S1PR3: variants seen among roughly 807,000 people sequenced by gnomAD.
S1PR3 encodes sphingosine-1-phosphate receptor 3, also known as sphingosine 1-phosphate receptor 3.
A neutral mutation model predicts 13.3 loss-of-function variants in S1PR3; 12 were observed. The observed-to-expected ratio is 0.90, with a 90% CI of 0.58 to 1.46. The LOEUF (loss-of-function observed/expected upper bound fraction) is 1.46. S1PR3 is among the 40% of genes most tolerant of loss of function. The pLI, the probability that S1PR3 is intolerant of heterozygous loss-of-function variation, is 0.00. For synonymous variants in S1PR3, 232 were observed against 214.0 expected (o/e 1.08, Z -0.73); for missense variants, 450 against 501.9 (o/e 0.90, Z 0.99).
In S1PR3 at chr9:89,004,237, A is replaced by G. The variant is rs1825904834; in HGVS notation, c.*1900A>G. 6.6e-6 allele frequency: 1 copy of G among 152,150 alleles called. No individual in the cohort carries two copies. The highest frequency in any genetic ancestry group is 2.4e-5 in the African/African-American group (1 of 41,406). 9.4% of individuals were successfully genotyped at this position (152,150 alleles called of 1,614,324 possible). ...AACATAGTGAAATCCTGTTTCTACT[A>G]AAAATACAAAAATTAGCTGGATGCG... On this transcript the variant is annotated 3_prime_UTR_variant, in exon 2 of 2. Coordinates refer to ENST00000358157, the MANE Select transcript of S1PR3 (RefSeq NM_005226.4).
intron 1 of S1PR3, chr9:88,993,521 G>C (rs1288292936): frequency 6.6e-6 from 1 of 152,056 alleles, no homozygotes; most frequent in African/African-American, 2.4e-5. Context: ...GAAACTTTCT[G>C]TTTCTTCATA....
In S1PR3 at chr9:89,001,232, C is replaced by A; in HGVS notation, c.32C>A (p.Pro11Gln). 1.9e-6 allele frequency: 3 copies of A among 1,613,400 alleles called. No individual in the cohort carries two copies. The highest frequency in any genetic ancestry group is 1.1e-5 in the South Asian group (1 of 91,048). MATALPPRLQPVRGNETLREH... is the reference protein window; with the variant it reads MATALPPRLQQVRGNETLREH... ...ACTGCCCTCCCGCCGCGTCTCCAGCCGGTGCGGGGGAACGAGACCCTGCGG... is the reference window on the plus strand; with the variant it reads ...ACTGCCCTCCCGCCGCGTCTCCAGCAGGTGCGGGGGAACGAGACCCTGCGG... Residue 11 changes from proline (P) to glutamine (Q), a missense_variant, in exon 2 of 2, where the codon CCG (proline) becomes CAG (glutamine). Transcript: ENST00000358157.
At chr9:88,996,112 C>G (rs929691464) in intron 1 of S1PR3, 2 of 163,794 alleles carry the variant, frequency 1.2e-5, no homozygotes, top group Non-Finnish European at 2.9e-5. Context: ...TGGACACTTA[C>G]TTTTGGAATA....
At chr9:88,991,174 A>G (rs1406666758), upstream of S1PR3, 1 of 1,604,658 alleles carries the variant, frequency 6.2e-7, no homozygotes, top group South Asian at 1.1e-5. This position sits in a 1 kb window ranked among gnomAD's most constrained non-coding sequence, Gnocchi z 4.0. Context: ...AGCTCGCCCG[A>G]TGAGGACAAG....
At chr9:88,991,379 CG>C (rs1440636162), upstream of S1PR3, 4 of 153,406 alleles carry the variant, frequency 2.6e-5, no homozygotes, top group African/African-American at 7.1e-4. This position sits in a 1 kb window ranked among gnomAD's most constrained non-coding sequence, Gnocchi z 4.0. Context: ...GGGAGAGGGG[CG>C]GGAGTCGGGG....
Position 89,001,497 on chromosome 9 carries a change from T to C in S1PR3, c.297T>C (p.Ser99=), listed in dbSNP as rs758401590. The change falls in exon 2 of 2, where the codon TCT becomes TCC. Residue 99 remains serine, a synonymous_variant. Coordinates refer to ENST00000358157, the MANE Select transcript of S1PR3 (RefSeq NM_005226.4). ...GIAYKVNILM[S]GKKTFSLSPT... is the part of the protein sequence containing the mutation. The stretch of plus-strand genomic sequence containing the variant: ...CTTACAAGGTCAACATTCTGATGTC[T>C]GGCAAGAAGACGTTCAGCCTGTCTC... The C allele has an allele frequency of 8.1e-6, 13 of 1,614,132 alleles. No individual in the cohort carries two copies. The African/African-American group carries it at 1.6e-4, about 20-fold the overall frequency.
Position 88,991,588 on chromosome 9 carries a change from C to G in S1PR3, c.-255C>G, listed in dbSNP as rs1467011729. On this transcript the variant is annotated 5_prime_UTR_variant, in exon 1 of 2. Coordinates refer to ENST00000358157, the MANE Select transcript of S1PR3 (RefSeq NM_005226.4). This position sits in a 1 kb window ranked among gnomAD's most constrained non-coding sequence, Gnocchi z 4.0. ...AACGACGTCGCGAGCGCTGAGACTG[C>G]CGGGCCTCCCAGCCCATCTGGCATT... 9 of 1,544,122 alleles carry G rather than the reference C, an allele frequency of 5.8e-6. No individual in the cohort carries two copies. The highest frequency in any genetic ancestry group is 7.9e-6 in the Non-Finnish European group (9 of 1,145,076).
At chr9:88,995,916 C>G (rs1825798178) in intron 1 of S1PR3, 1 of 167,050 alleles carries the variant, frequency 6.0e-6, no homozygotes, top group Non-Finnish European at 1.5e-5. Context: ...AAGACCACCG[C>G]TAATGAGGAG....
chr9:88,992,300 T>C (rs1333365271), intron 1 of S1PR3: 3 of 395,828 alleles, frequency 7.6e-6, no homozygotes, highest in East Asian at 1.1e-4. Flanking sequence ...CTCTCTCTCT[T>C]CCTCTGACTT....
intron 1 of S1PR3, chr9:89,000,424 C>T (rs761553815): frequency 6.6e-6 from 1 of 152,380 alleles, no homozygotes; most frequent in Non-Finnish European, 1.5e-5. Flanking sequence ...TCACTGCTCA[C>T]GAGTGCGGTG....
At position 89,002,018 on chromosome 9, in the gene S1PR3, C is replaced by A. The variant is rs375650171; in HGVS notation, c.818C>A (p.Ala273Glu). The change falls in exon 2 of 2, where the codon GCG (alanine) becomes GAG (glutamate). Residue 273 changes from alanine (A) to glutamate (E), a missense_variant. By Grantham distance (107) the Ala-to-Glu change is moderately radical. Transcript: ENST00000358157. Reference protein sequence around the residue: ...FLIDVACRVQACPILFKAQWF... With the variant: ...FLIDVACRVQECPILFKAQWF... ...ATTGATGTGGCCTGCAGGGTGCAGG[C>A]GTGCCCCATCCTCTTCAAGGCTCAG... 1.2e-6 allele frequency: 2 copies of A among 1,613,982 alleles called. No individual in the cohort carries two copies. The highest frequency in any genetic ancestry group is 1.7e-6 in the Non-Finnish European group (2 of 1,180,028).
intron 1 of S1PR3, chr9:89,000,327 T>C (rs1250241426): frequency 1.3e-5 from 2 of 152,100 alleles, no homozygotes; most frequent in African/African-American, 4.8e-5. Context: ...AGTGTGATTG[T>C]CACTGCTTTC....
intron 1 of S1PR3, chr9:88,994,167 C>G (rs1398135023): frequency 3.0e-5 from 5 of 167,104 alleles, no homozygotes; most frequent in Non-Finnish European, 2.9e-5. Flanking sequence ...ATGTGACATC[C>G]TGGAATCAGA....
At chr9:88,992,705 A>T (rs1281413214) in intron 1 of S1PR3, 3 of 152,418 alleles carry the variant, frequency 2.0e-5, no homozygotes, top group Non-Finnish European at 4.4e-5. Flanking sequence ...TGCTCTGCAG[A>T]TACATGACTA....
chr9:88,991,354 G>A, upstream of S1PR3: 6 of 1,204,432 alleles, frequency 5.0e-6, no homozygotes, highest in Non-Finnish European at 5.8e-6. The surrounding 1 kb of genome is among the most constrained non-coding windows in gnomAD (Gnocchi z 4.0). Flanking sequence ...GGCGGGGGAC[G>A]GGGAGAGGGG....
intron 1 of S1PR3, chr9:88,992,069 T>C (rs920148927): frequency 6.4e-7 from 1 of 1,569,580 alleles, no homozygotes; most frequent in East Asian, 2.2e-5. Context: ...GGAAAATCAT[T>C]CTTTTAAACA....
chr9:88,992,034 G>A, intron 1 of S1PR3: 1 of 1,612,520 alleles, frequency 6.2e-7, no homozygotes, highest in Non-Finnish European at 8.5e-7. Context: ...GCTGGACGTG[G>A]GAGAGGGTTG....
upstream of S1PR3, chr9:88,991,347 G>A: frequency 1.5e-6 from 2 of 1,312,942 alleles, no homozygotes; most frequent in Non-Finnish European, 2.1e-6. This position sits in a 1 kb window ranked among gnomAD's most constrained non-coding sequence, Gnocchi z 4.0. Context: ...GTTCGCGGGC[G>A]GGGGACGGGG....
chr9:89,002,584 C>A lies in S1PR3; in HGVS notation c.*247C>A, dbSNP rs1317020246. 1.6e-5 allele frequency: 9 copies of A among 568,908 alleles called. No homozygotes were observed. 35.2% of individuals were successfully genotyped at this position (568,908 alleles called of 1,614,324 possible). The stretch of plus-strand genomic sequence containing the variant: ...ACTAAGCTGCTGACATCATCCACTG[C>A]CTTCTGCTGCATCCTAGACACCCTC... On this transcript the variant is annotated 3_prime_UTR_variant, in exon 2 of 2. Transcript: ENST00000358157.
Sources: gnomAD v4.1 joint callset for allele counts on GRCh38, gnomAD v4.1.1 for gene constraint, Gnocchi (gnomAD v3.1) non-coding constraint, MANE v1.5 for transcripts, NCBI Gene and HGNC (gene_info 2026-07-23, HGNC 2026-07-21) for gene names.